ATXN1: variants seen among roughly 807,000 people sequenced by gnomAD.
The protein encoded by ATXN1 is ataxin-1.
In ATXN1, 8 loss-of-function variants were observed where a neutral mutation model predicts 56.4. The observed-to-expected ratio is 0.14, with a 90% confidence interval of 0.08 to 0.26. The LOEUF is 0.26. Among genes scored for constraint, ATXN1 ranks in the 10% least tolerant of loss-of-function variants. ATXN1 has a pLI of 1.00. For missense variants in ATXN1, 987 were observed against 1,106.5 expected (o/e 0.89, Z 1.53); for synonymous variants, 514 against 494.6 (o/e 1.04, Z -0.52).
intron 7 of ATXN1, among the ~76,000 whole-genome samples, chr6:16,316,464 A>C (rs1760510545): frequency 6.6e-6 from 1 of 152,138 alleles, no homozygotes; most frequent in Non-Finnish European, 1.5e-5. Context: ...CTGAAAGAAG[A>C]GGCCGGGCAT....
intron 6 of ATXN1, among the ~76,000 whole-genome samples, chr6:16,431,159 C>T (rs375433043): frequency 2.0e-5 from 3 of 151,908 alleles, no homozygotes; most frequent in South Asian, 4.2e-4. Flanking sequence ...GGAGCAGGAG[C>T]GTAGATAGGA....
At chr6:16,323,308 C>T (rs549540955) in intron 7 of ATXN1, among the ~76,000 whole-genome samples, 2 of 152,192 alleles carry the variant, frequency 1.3e-5, no homozygotes, top group South Asian at 4.1e-4. Flanking sequence ...CACCTGAGGT[C>T]AGGAGTTCGA....
chr6:16,563,843 T>C (rs1762165262), intron 4 of ATXN1, among the ~76,000 whole-genome samples: 1 of 152,160 alleles, frequency 6.6e-6, no homozygotes. Context: ...CATCTTTTTG[T>C]CAACGGGGAA....
chr6:16,503,500 A>G (rs758923716), intron 5 of ATXN1, among the ~76,000 whole-genome samples: 3 of 152,160 alleles, frequency 2.0e-5, no homozygotes, highest in Non-Finnish European at 4.4e-5. Context: ...ACAGATGCCA[A>G]GACACCCCAC....
At chr6:16,539,075 T>G (rs1489594474) in intron 4 of ATXN1, among the ~76,000 whole-genome samples, 2 of 152,206 alleles carry the variant, frequency 1.3e-5, no homozygotes, top group African/African-American at 4.8e-5. Context: ...TCATTTAGAC[T>G]TCTACCCATT....
intron 5 of ATXN1, among the ~76,000 whole-genome samples, chr6:16,512,272 T>C (rs9477151): frequency 0.039 from 5,892 of 152,244 alleles, 379 homozygotes; most frequent in African/African-American, 0.13. Context: ...CGTAAATAAC[T>C]CCTACAGAAG....
In ATXN1 at chr6:16,327,836, C is replaced by G. The variant is rs779064972; in HGVS notation, c.475G>C (p.Val159Leu). ...GTGGTGGCCCCTGCGGCCGAGGCCA[C>G]TGCACTGGTGACGGGGTTGGCGGTT... ...PPTANPVTSAVASAAGATTPS... is the reference protein window; with the variant it reads ...PPTANPVTSALASAAGATTPS... Residue 159 changes from valine to leucine, a missense_variant, in exon 7 of 8, where the codon GTG becomes CTG. Coordinates refer to ENST00000436367, the MANE Select transcript of ATXN1 (RefSeq NM_001128164.2). The G allele has an allele frequency of 6.2e-7, 1 of 1,608,784 alleles. No homozygotes were observed. Among genetic ancestry groups the G allele is most frequent in the Admixed American group, 1.7e-5 (1 of 60,022 alleles).
intron 6 of ATXN1, among the ~76,000 whole-genome samples, chr6:16,417,281 T>C (rs1463417235): frequency 6.6e-6 from 1 of 152,170 alleles, no homozygotes; most frequent in African/African-American, 2.4e-5. Flanking sequence ...GCAATCCTCC[T>C]GCCTCAGCCT....
intron 2 of ATXN1, among the ~76,000 whole-genome samples, chr6:16,682,761 C>T (rs1758840411): frequency 1.3e-5 from 2 of 152,162 alleles, no homozygotes; most frequent in African/African-American, 4.8e-5. Context: ...GGAAGAGATC[C>T]AGGTCTCCAC....
intron 6 of ATXN1, among the ~76,000 whole-genome samples, chr6:16,364,702 T>C (rs935922440): frequency 6.6e-6 from 1 of 152,184 alleles, no homozygotes; most frequent in Non-Finnish European, 1.5e-5. Flanking sequence ...TTGAGCCCAA[T>C]AGAAAGCCAT....
chr6:16,542,776 C>T (rs1761739780), intron 4 of ATXN1, among the ~76,000 whole-genome samples: 1 of 152,058 alleles, frequency 6.6e-6, no homozygotes, highest in African/African-American at 2.4e-5. Flanking sequence ...ATGTTTTTTC[C>T]TATACATATA....
chr6:16,566,858 AAACAACAACAAC>A lies in ATXN1; in HGVS notation c.-361+18910_-361+18921del, dbSNP rs150789955. ...GCAACAGAGTGAGACTCCGTCTCAA[AAACAACAACAAC>A]AACAACAACAACAAAAACATTTTGT... On this transcript the variant is annotated intron_variant, in intron 4 of 7. Coordinates refer to ENST00000436367, the MANE Select transcript of ATXN1 (RefSeq NM_001128164.2). 1.1e-4 allele frequency among the ~76,000 whole-genome samples: 16 copies of A among 150,776 alleles called. No individual in the cohort carries two copies. The East Asian group carries it at 2.2e-3, about 20-fold the overall frequency.
At chr6:16,613,368 A>C (rs1561778931) in intron 3 of ATXN1, among the ~76,000 whole-genome samples, 2 of 151,620 alleles carry the variant, frequency 1.3e-5, no homozygotes, top group Non-Finnish European at 1.5e-5. Flanking sequence ...AATATATACA[A>C]AATGTTTTAA....
At chr6:16,616,220 G>C (rs1763206222) in intron 3 of ATXN1, 1 of 152,078 alleles carries the variant, frequency 6.6e-6, no homozygotes, top group Non-Finnish European at 1.5e-5. Flanking sequence ...GGAATTAGCT[G>C]AAAGACTCTA....
At chr6:16,640,386 C>T (rs1399817488) in intron 3 of ATXN1, among the ~76,000 whole-genome samples, 1 of 152,076 alleles carries the variant, frequency 6.6e-6, no homozygotes, top group Non-Finnish European at 1.5e-5. Flanking sequence ...TCCTCAGACA[C>T]AAGAATATTG....
intron 6 of ATXN1, among the ~76,000 whole-genome samples, chr6:16,423,973 A>G (rs183805914): frequency 6.6e-6 from 1 of 152,316 alleles, no homozygotes. Context: ...GGCTGTGCCT[A>G]TAGCAGTTTG....
chr6:16,463,578 T>C (rs1329533085), intron 6 of ATXN1, among the ~76,000 whole-genome samples: 1 of 152,192 alleles, frequency 6.6e-6, no homozygotes, highest in Non-Finnish European at 1.5e-5. Flanking sequence ...GTAGTGAATA[T>C]CCAAAACCGC....
intron 6 of ATXN1, among the ~76,000 whole-genome samples, chr6:16,357,122 T>C (rs1350608223): frequency 6.6e-6 from 1 of 152,212 alleles, no homozygotes; most frequent in Non-Finnish European, 1.5e-5. Flanking sequence ...TTTATAGTTA[T>C]TCCATTTATA....
intron 2 of ATXN1, among the ~76,000 whole-genome samples, chr6:16,730,487 G>GTGTATGTATATATATATATATATATATA (rs141836403): frequency 6.2e-4 from 82 of 132,010 alleles, no homozygotes; most frequent in Admixed American, 2.8e-3. Context: ...AAAACAGTAT[G>GTGTATGTATATATATATATATATATATA]TATATATATA....
Sources: allele counts gnomAD v4.1 joint callset (sites outside exome capture counted in the v4.1 genomes callset), GRCh38; gene constraint gnomAD v4.1.1; transcripts MANE v1.5; gene names NCBI Gene and HGNC (gene_info 2026-07-23, HGNC 2026-07-21).